The following TNFSF4 variants were observed in gnomAD, a reference collection of about 807,000 sequenced individuals.
TNFSF4 encodes the protein TNF superfamily member 4, also known as tumor necrosis factor ligand superfamily member 4.
TNFSF4 carries 4 observed loss-of-function variants against 7.3 expected under a neutral mutation model. The ratio of observed to expected loss-of-function variants is 0.55; its 90% confidence interval spans 0.27 to 1.25. The LOEUF is 1.25. Among genes scored for constraint, TNFSF4 ranks in the 50% most tolerant of loss-of-function variants. The pLI is 0.12. For missense variants in TNFSF4, 181 were observed against 208.8 expected (o/e 0.87, Z 0.82); for synonymous variants, 76 against 83.7 (o/e 0.91, Z 0.50).
intron 1 of TNFSF4, among the ~76,000 whole-genome samples, chr1:173,204,793 G>T (rs879907190): frequency 1.5e-4 from 23 of 152,000 alleles, no homozygotes; most frequent in Non-Finnish European, 3.2e-4. Flanking sequence ...CAGTATTGTA[G>T]ATGAGTTTTA....
the TNFSF4 span, among the ~76,000 whole-genome samples, chr1:173,260,087 G>A: frequency 6.6e-6 from 1 of 152,142 alleles, no homozygotes; most frequent in Admixed American, 6.5e-5. Context: ...AGGGCAGCCA[G>A]AGAGAAAGGA....
At chr1:173,243,234 A>G in the TNFSF4 span, among the ~76,000 whole-genome samples, 2 of 152,186 alleles carry the variant, frequency 1.3e-5, no homozygotes, top group Non-Finnish European at 2.9e-5. Context: ...CGTCCTACAC[A>G]TCAATAAAAC....
the TNFSF4 span, among the ~76,000 whole-genome samples, chr1:173,371,113 C>A: frequency 6.6e-5 from 10 of 152,172 alleles, no homozygotes; most frequent in Non-Finnish European, 1.5e-4. Context: ...GCCCCAGGTA[C>A]GTTTGACCAT....
the TNFSF4 span, among the ~76,000 whole-genome samples, chr1:173,236,391 C>T: frequency 4.7e-5 from 7 of 149,946 alleles, no homozygotes; most frequent in East Asian, 1.4e-3. Context: ...TCTGGGGCTT[C>T]CTGTAAAGCA....
At chr1:173,231,832 G>A in the TNFSF4 span, among the ~76,000 whole-genome samples, 1 of 152,132 alleles carries the variant, frequency 6.6e-6, no homozygotes, top group East Asian at 1.9e-4. Flanking sequence ...GACAATCAGA[G>A]AGCCAAATCA....
At chr1:173,331,248 G>A in the TNFSF4 span, among the ~76,000 whole-genome samples, 5 of 152,052 alleles carry the variant, frequency 3.3e-5, no homozygotes, top group East Asian at 3.9e-4. Context: ...TGTGCCTTTC[G>A]AATTCGTATT....
At chr1:173,261,153 C>T in the TNFSF4 span, among the ~76,000 whole-genome samples, 6 of 152,148 alleles carry the variant, frequency 3.9e-5, no homozygotes, top group Middle Eastern at 3.4e-3. Context: ...CAGAAAGTAG[C>T]GCAATCAAAT....
chr1:173,359,237 C>T, the TNFSF4 span, among the ~76,000 whole-genome samples: 4 of 151,980 alleles, frequency 2.6e-5, no homozygotes, highest in African/African-American at 9.7e-5. Context: ...AAGCCTAGCC[C>T]GTAGTAGTAA....
downstream of TNFSF4, among the ~76,000 whole-genome samples, chr1:173,180,104 T>A (rs1487435111): frequency 6.6e-6 from 1 of 152,252 alleles, no homozygotes; most frequent in Non-Finnish European, 1.5e-5. Context: ...TTCTTATTTC[T>A]TCATGCCTCT....
chr1:173,241,608 C>G, the TNFSF4 span, among the ~76,000 whole-genome samples: 92 of 152,292 alleles, frequency 6.0e-4, no homozygotes, highest in Admixed American at 1.7e-3. Context: ...CACATGATGT[C>G]TGAAACTGCC....
the TNFSF4 span, among the ~76,000 whole-genome samples, chr1:173,439,838 G>A: frequency 6.6e-6 from 1 of 152,048 alleles, no homozygotes; most frequent in Non-Finnish European, 1.5e-5. Context: ...CCAAAATTCA[G>A]AGGCTTGGGG....
the TNFSF4 span, among the ~76,000 whole-genome samples, chr1:173,336,467 G>A: frequency 1.3e-5 from 2 of 152,182 alleles, no homozygotes; most frequent in African/African-American, 4.8e-5. Flanking sequence ...AGCTATTGAT[G>A]AGGCAAATGC....
the TNFSF4 span, among the ~76,000 whole-genome samples, chr1:173,404,587 G>A: frequency 3.0e-3 from 455 of 151,364 alleles, 1 homozygote; most frequent in African/African-American, 1.0e-2. Flanking sequence ...CCTACTTCAA[G>A]TCTTTGCTCA....
At chr1:173,440,936 G>A in the TNFSF4 span, among the ~76,000 whole-genome samples, 1 of 152,090 alleles carries the variant, frequency 6.6e-6, no homozygotes. Context: ...TTAGTTCTAA[G>A]TAATTTTGTC....
chr1:173,384,434 T>C, the TNFSF4 span, among the ~76,000 whole-genome samples: 1 of 152,176 alleles, frequency 6.6e-6, no homozygotes, highest in Non-Finnish European at 1.5e-5. Flanking sequence ...TACACAATAT[T>C]GTTCTCACCT....
the TNFSF4 span, among the ~76,000 whole-genome samples, chr1:173,320,067 G>A: frequency 6.6e-6 from 1 of 152,058 alleles, no homozygotes; most frequent in Admixed American, 6.6e-5. Flanking sequence ...GATGAACATG[G>A]ACACAAAAAT....
At chr1:173,243,824 G>A in the TNFSF4 span, among the ~76,000 whole-genome samples, 1 of 152,076 alleles carries the variant, frequency 6.6e-6, no homozygotes, top group Admixed American at 6.5e-5. Flanking sequence ...GGTTTGTGGT[G>A]AGGCTATTCT....
the TNFSF4 span, among the ~76,000 whole-genome samples, chr1:173,244,673 A>C: frequency 2.0e-5 from 3 of 151,792 alleles, no homozygotes; most frequent in Non-Finnish European, 4.4e-5. Flanking sequence ...AAAACAAAAA[A>C]AAAACATAAA....
the TNFSF4 span, among the ~76,000 whole-genome samples, chr1:173,237,682 T>G: frequency 6.6e-6 from 1 of 152,202 alleles, no homozygotes; most frequent in Admixed American, 6.5e-5. Context: ...ATAAAATGCC[T>G]AGTAATACAG....
Sources: gnomAD v4.1 joint callset for allele counts (sites outside exome capture counted in the v4.1 genomes callset) on GRCh38, gnomAD v4.1.1 for gene constraint, MANE v1.5 for transcripts, NCBI Gene and HGNC (gene_info 2026-07-23, HGNC 2026-07-21) for gene names.